TMEM51: variants seen among roughly 807,000 people sequenced by gnomAD.
TMEM51 encodes the protein transmembrane protein 51.
In TMEM51, 8 loss-of-function variants were observed where a neutral mutation model predicts 13.6. That is an observed-to-expected ratio of 0.59 (90% CI 0.35 to 1.07). The LOEUF (loss-of-function observed/expected upper bound fraction) is 1.07, where lower values mean the gene tolerates loss of function less well. Ranked by LOEUF, TMEM51 falls within the 50% of genes least tolerant of loss-of-function variation. The pLI is 0.02. For missense variants in TMEM51, 279 were observed against 330.7 expected, an observed-to-expected ratio of 0.84 and a Z score of 1.21; for synonymous variants, 147 against 144.4, an observed-to-expected ratio of 1.02 and a Z score of -0.13.
intron 2 of TMEM51, among the ~76,000 whole-genome samples, chr1:15,214,460 G>A (rs1644391561): frequency 6.6e-6 from 1 of 152,172 alleles, no homozygotes; most frequent in East Asian, 1.9e-4. Context: ...ACAGTAGGCT[G>A]TTTGGCCTGG....
intron 1 of TMEM51, among the ~76,000 whole-genome samples, chr1:15,187,803 A>G (rs757597822): frequency 3.9e-4 from 60 of 152,020 alleles, no homozygotes; most frequent in Non-Finnish European, 1.6e-4. Flanking sequence ...GCCCTCTCTC[A>G]GTGAGTGACC....
intron 1 of TMEM51, chr1:15,171,175 T>A (rs1156429648): frequency 2.3e-6 from 3 of 1,303,234 alleles, no homozygotes; most frequent in Non-Finnish European, 2.0e-6. Flanking sequence ...GATTTGCATT[T>A]CTAACCAGCT....
At chr1:15,212,682 G>T (rs1362884765) in intron 2 of TMEM51, among the ~76,000 whole-genome samples, 1 of 152,226 alleles carries the variant, frequency 6.6e-6, no homozygotes, top group Admixed American at 6.5e-5. Context: ...CCAGCCATGA[G>T]TGATACTGTA....
chr1:15,191,872 A>G (rs374718000), intron 1 of TMEM51: 9 of 428,882 alleles, frequency 2.1e-5, no homozygotes, highest in African/African-American at 1.1e-4. Flanking sequence ...ACAGTAATTG[A>G]CTTACGTGAC....
chr1:15,182,130 C>T (rs1197016778), intron 1 of TMEM51, among the ~76,000 whole-genome samples: 1 of 151,732 alleles, frequency 6.6e-6, no homozygotes, highest in Non-Finnish European at 1.5e-5. Flanking sequence ...CATTGCACTC[C>T]AACCTGGGCA....
Position 15,219,439 on chromosome 1 carries a change from G to A in TMEM51, c.458G>A (p.Arg153Lys), listed in dbSNP as rs1557862460. ...SEARGEEQNP[R>K]LSISLPSYES... ...GCAAGGGGAGAGGAGCAGAACCCGAGGTTGAGCATCTCTCTCCCGTCCTAT... is the reference window on the plus strand; with the variant it reads ...GCAAGGGGAGAGGAGCAGAACCCGAAGTTGAGCATCTCTCTCCCGTCCTAT... The change falls in exon 4 of 4, where the codon AGG becomes AAG. Residue 153 changes from arginine (R) to lysine (K), a missense_variant. Physicochemically the swap from Arg to Lys is conservative, Grantham distance 26. Transcript: ENST00000376008. The A allele has an allele frequency of 6.2e-6, 10 of 1,614,088 alleles. No homozygotes were observed. Among genetic ancestry groups the A allele is most frequent in the Non-Finnish European group, 8.5e-6 (10 of 1,179,968 alleles).
At chr1:15,184,166 T>TATCTGGGACTA (rs60999552) in intron 1 of TMEM51, among the ~76,000 whole-genome samples, 1 of 151,738 alleles carries the variant, frequency 6.6e-6, no homozygotes, top group African/African-American at 2.4e-5. Context: ...GCCTCCCGAG[T>TATCTGGGACTA]CAGGCGTGCG....
rs1644405034 is a variant in TMEM51 at position 15,215,097 on chromosome 1, C to T, written c.10C>T (p.Gln4Ter). The T allele has an allele frequency of 6.2e-7, 1 of 1,604,256 alleles. No individual in the cohort carries two copies. The highest frequency in any genetic ancestry group is 1.7e-4 in the Middle Eastern group (1 of 6,040). MMA[Q>*]SKANGSHYAL... is the part of the protein sequence containing the mutation. The stretch of plus-strand genomic sequence containing the variant: ...CCCTCCTCCCACTGACATGATGGCC[C>T]AGTCCAAGGCCAATGGCTCGCACTA... The change falls in exon 3 of 4, where the codon CAG becomes TAG. Residue 4 changes from glutamine (Q) to a stop codon, truncating the protein, a stop_gained. Coordinates refer to ENST00000376008, the MANE Select transcript of TMEM51 (RefSeq NM_001136218.2). LOFTEE classifies it high-confidence loss of function.
At chr1:15,199,999 G>A (rs993724896) in intron 1 of TMEM51, among the ~76,000 whole-genome samples, 3 of 151,860 alleles carry the variant, frequency 2.0e-5, no homozygotes, top group African/African-American at 7.3e-5. Flanking sequence ...TACCCAGTGG[G>A]AAAGAGGGCC....
chr1:15,168,333 G>T (rs6688174), intron 1 of TMEM51: 109,740 of 752,370 alleles, frequency 0.15, 8,745 homozygotes, highest in Middle Eastern at 0.22. Flanking sequence ...ATTCTCAAAG[G>T]GGTCTGTGCA....
chr1:15,198,894 G>T (rs1644100892), intron 1 of TMEM51, among the ~76,000 whole-genome samples: 1 of 152,192 alleles, frequency 6.6e-6, no homozygotes, highest in South Asian at 2.1e-4. Context: ...GATCTCTCTG[G>T]TGCATTCCTC....
At position 15,188,715 on chromosome 1, in the gene TMEM51, C is replaced by T. The variant is rs1018171671; in HGVS notation, c.-266-21775C>T. Reference sequence around the variant, plus strand: ...GTGTTAGGCTTTTGTAAAGAGAGGGCGTACCTGTGGGGGACCTGGCACTGG... The same window carrying T: ...GTGTTAGGCTTTTGTAAAGAGAGGGTGTACCTGTGGGGGACCTGGCACTGG... On this transcript the variant is annotated intron_variant, in intron 1 of 3. Transcript: ENST00000376008. Among the ~76,000 whole-genome samples the T allele has an allele frequency of 2.6e-5, 4 of 152,318 alleles. No homozygotes were observed. In the East Asian group the frequency reaches 7.7e-4, roughly 29 times the overall value.
intron 1 of TMEM51, among the ~76,000 whole-genome samples, chr1:15,185,491 G>C (rs957712568): frequency 6.6e-6 from 1 of 152,224 alleles, no homozygotes; most frequent in Non-Finnish European, 1.5e-5. Context: ...TGGAAGTGGG[G>C]AAATCCCCTT....
chr1:15,182,055 G>A (rs928826130), intron 1 of TMEM51, among the ~76,000 whole-genome samples: 8 of 152,056 alleles, frequency 5.3e-5, no homozygotes, highest in Non-Finnish European at 8.8e-5. Flanking sequence ...CAGCTACTCG[G>A]GAGGCTGAGG....
chr1:15,183,015 A>T (rs1057439444), intron 1 of TMEM51, among the ~76,000 whole-genome samples: 1 of 152,188 alleles, frequency 6.6e-6, no homozygotes, highest in Non-Finnish European at 1.5e-5. Context: ...CTCCCGCCTC[A>T]ACCTTCCAAA....
At chr1:15,216,991 T>C (rs1644441940) in intron 3 of TMEM51, among the ~76,000 whole-genome samples, 1 of 152,232 alleles carries the variant, frequency 6.6e-6, no homozygotes, top group Non-Finnish European at 1.5e-5. Context: ...TCTGTGTTGT[T>C]TGAATTTTCT....
rs1644486761 is a variant in TMEM51 at position 15,219,717 on chromosome 1, GC to G, written c.741del (p.Asp248ThrfsTer27). 1 of 1,613,212 alleles carries G rather than the reference GC, an allele frequency of 6.2e-7. No individual in the cohort carries two copies. Among genetic ancestry groups the G allele is most frequent in the South Asian group, 1.1e-5 (1 of 91,070 alleles). On this transcript the variant is annotated frameshift_variant, in exon 4 of 4. Transcript: ENST00000376008. LOFTEE classifies it high-confidence loss of function. ...PPQYDEVQEKAPDTRPPD is the reference protein window; with the variant it reads ...PPQYDEVQEKXPDTRPPD Reference sequence around the variant, plus strand: ...GCAGTATGATGAAGTCCAGGAGAAGGCCCCCGACACCCGGCCGCCCGACTGA... The same window carrying G: ...GCAGTATGATGAAGTCCAGGAGAAGGCCCCGACACCCGGCCGCCCGACTGA...
intron 1 of TMEM51, chr1:15,168,332 G>T: frequency 1.3e-6 from 1 of 760,810 alleles, no homozygotes. Flanking sequence ...GATTCTCAAA[G>T]GGGTCTGTGC....
intron 1 of TMEM51, among the ~76,000 whole-genome samples, chr1:15,180,459 A>C (rs369816963): frequency 6.6e-6 from 1 of 152,010 alleles, no homozygotes; most frequent in South Asian, 2.1e-4. Flanking sequence ...CCAGACAGGC[A>C]CTCTCTGATC....
Sources: allele counts gnomAD v4.1 joint callset (sites outside exome capture counted in the v4.1 genomes callset), GRCh38; gene constraint gnomAD v4.1.1; transcripts MANE v1.5; gene names NCBI Gene and HGNC (gene_info 2026-07-23, HGNC 2026-07-21).